Variants in MROH7 observed in about 807,000 individuals in gnomAD.
The protein encoded by MROH7 is maestro heat-like repeat-containing protein family member 7.
Under a neutral mutation model 129.2 loss-of-function variants are expected in MROH7, and 113 were observed. That is an observed-to-expected ratio of 0.87 (90% confidence interval 0.75 to 1.02). The LOEUF (loss-of-function observed/expected upper bound fraction) is 1.02, where lower values mean the gene tolerates loss of function less well. Among genes scored for constraint, MROH7 ranks in the 50% least tolerant of loss-of-function variants. MROH7 has a pLI of 0.00. For missense variants in MROH7, 1,601 were observed against 1,671.3 expected (o/e 0.96, Z 0.73); for synonymous variants, 655 against 667.9 (o/e 0.98, Z 0.30).
chr1:54,689,167 C>A (rs956674850), intron 15 of MROH7, among the ~76,000 whole-genome samples: 1 of 152,128 alleles, frequency 6.6e-6, no homozygotes, highest in Non-Finnish European at 1.5e-5. Context: ...CCTGGATTAA[C>A]CATGTGGGCA....
chr1:54,681,481 C>T (rs1368303871), intron 13 of MROH7, among the ~76,000 whole-genome samples: 1 of 152,180 alleles, frequency 6.6e-6, no homozygotes, highest in Non-Finnish European at 1.5e-5. Context: ...TATAGTTCCT[C>T]CCTGTCCAGA....
chr1:54,675,977 A>G (rs1016708423), intron 10 of MROH7, among the ~76,000 whole-genome samples: 4 of 152,124 alleles, frequency 2.6e-5, no homozygotes, highest in African/African-American at 9.6e-5. Flanking sequence ...AGAAAGGAAA[A>G]TGAGTAGAAA....
intron 4 of MROH7, among the ~76,000 whole-genome samples, chr1:54,666,184 T>C (rs372379254): frequency 6.6e-6 from 1 of 152,184 alleles, no homozygotes; most frequent in African/African-American, 2.4e-5. Context: ...ATTGATGTCA[T>C]AGGGGCCAAG....
intron 1 of MROH7, among the ~76,000 whole-genome samples, chr1:54,643,978 A>AT (rs533927250): frequency 7.3e-5 from 11 of 151,490 alleles, no homozygotes; most frequent in Admixed American, 1.3e-4. Context: ...TGCTTTTAAG[A>AT]TTTTTTTTTA....
chr1:54,704,306 G>A (rs569474956), intron 21 of MROH7, among the ~76,000 whole-genome samples: 70 of 152,080 alleles, frequency 4.6e-4, no homozygotes, highest in Non-Finnish European at 7.9e-4. Context: ...GTGTGGAAGT[G>A]GTGGTCCCTG....
intron 1 of MROH7, among the ~76,000 whole-genome samples, chr1:54,642,859 C>G (rs750923870): frequency 6.6e-6 from 1 of 152,220 alleles, no homozygotes; most frequent in Non-Finnish European, 1.5e-5. Context: ...AAGGAATCCT[C>G]TTGCCTCAGC....
At chr1:54,648,176 G>A (rs985203124) in intron 1 of MROH7, among the ~76,000 whole-genome samples, 2 of 151,720 alleles carry the variant, frequency 1.3e-5, no homozygotes, top group Non-Finnish European at 2.9e-5. Context: ...GAGCCGCCAT[G>A]CCCTGCTGAA....
intron 16 of MROH7, 107 bp from the exon 17 acceptor site, chr1:54,695,269 A>T: frequency 1.6e-6 from 1 of 643,768 alleles, no homozygotes; most frequent in Non-Finnish European, 2.8e-6. Context: ...GCAGGAATCC[A>T]GGTGATCCTG....
intron 22 of MROH7, among the ~76,000 whole-genome samples, chr1:54,708,348 G>C (rs1645569351): frequency 6.6e-6 from 1 of 152,184 alleles, no homozygotes; most frequent in Admixed American, 6.5e-5. Flanking sequence ...GACTGCTTGA[G>C]CCCAGGAGTT....
chr1:54,690,747 C>G (rs556825521), intron 15 of MROH7, among the ~76,000 whole-genome samples: 3 of 152,246 alleles, frequency 2.0e-5, no homozygotes, highest in Non-Finnish European at 4.4e-5. Flanking sequence ...CTGGCGAATT[C>G]AGAAGTTTTG....
chr1:54,678,916 G>A, intron 11 of MROH7, 62 bp downstream of exon 11: 1 of 1,312,160 alleles, frequency 7.6e-7, no homozygotes, highest in East Asian at 2.3e-5. Context: ...AGTGCCACCT[G>A]GCCCCAAAGC....
intron 17 of MROH7, chr1:54,698,082 C>T (rs1645351015): frequency 5.4e-6 from 1 of 186,262 alleles, no homozygotes; most frequent in Admixed American, 5.9e-5. Context: ...CTCAGATGCC[C>T]CTTTCACCCT....
chr1:54,685,738 T>C (rs1054527402), intron 14 of MROH7, among the ~76,000 whole-genome samples: 3 of 151,946 alleles, frequency 2.0e-5, no homozygotes, highest in Non-Finnish European at 4.4e-5. Flanking sequence ...GGGATGGGAG[T>C]GAGGACAGCC....
intron 10 of MROH7, among the ~76,000 whole-genome samples, chr1:54,675,325 T>C (rs1033457666): frequency 1.3e-5 from 2 of 152,220 alleles, no homozygotes; most frequent in Admixed American, 6.5e-5. Context: ...TAAGAGCATA[T>C]GTAAAGGTAC....
chr1:54,674,703 T>C (rs1265350386), intron 10 of MROH7, among the ~76,000 whole-genome samples: 1 of 152,196 alleles, frequency 6.6e-6, no homozygotes, highest in Non-Finnish European at 1.5e-5. Context: ...CACTTCGTGA[T>C]GTGGTATGGG....
At chr1:54,691,934 T>C (rs951917438) in intron 15 of MROH7, among the ~76,000 whole-genome samples, 1 of 128,034 alleles carries the variant, frequency 7.8e-6, no homozygotes, top group Non-Finnish European at 1.6e-5. Context: ...TACAGTAGGA[T>C]GTCAGTGCCC....
rs747350118 is a variant in MROH7, at chr1:54,702,177, G to A, written c.3373G>A (p.Glu1125Lys). ...LRAPRTQAME[E>K]QLVSTLVPLL... Reference sequence around the variant, plus strand: ...GGCACCACGCACTCAGGCCATGGAGGAGCAGCTGGTCAGCACCTTGGTGCC... The same window carrying A: ...GGCACCACGCACTCAGGCCATGGAGAAGCAGCTGGTCAGCACCTTGGTGCC... Residue 1125 changes from glutamate (E) to lysine (K), a missense_variant, in exon 20 of 24, where the codon GAG becomes AAG. Physicochemically the swap from Glu to Lys is moderately conservative, Grantham distance 56 (BLOSUM62 1). Transcript: ENST00000421030. The A allele has an allele frequency of 8.7e-6, 14 of 1,606,210 alleles. No homozygotes were observed. Among genetic ancestry groups the A allele is most frequent in the South Asian group, 2.2e-5 (2 of 89,580 alleles).
intron 3 of MROH7, chr1:54,658,976 C>A: frequency 3.5e-6 from 1 of 283,136 alleles, no homozygotes; most frequent in Non-Finnish European, 7.0e-6. Context: ...GGTTGCTAAT[C>A]ACTGCCCCGG....
At chr1:54,652,724 G>T in intron 2 of MROH7, 129 bp from the exon 3 acceptor site, 1 of 583,630 alleles carries the variant, frequency 1.7e-6, no homozygotes, top group Non-Finnish European at 2.9e-6. Flanking sequence ...GGGCTGGAAA[G>T]GTGGGCTGGG....
Sources: gnomAD v4.1 joint callset for allele counts (sites outside exome capture counted in the v4.1 genomes callset) on GRCh38, gnomAD v4.1.1 for gene constraint, MANE v1.5 for transcripts, NCBI Gene and HGNC (gene_info 2026-07-23, HGNC 2026-07-21) for gene names.